Variants in ADAMTSL1 observed in about 807,000 individuals in gnomAD.
The protein encoded by ADAMTSL1 is ADAMTS-like protein 1.
In ADAMTSL1, 126 loss-of-function variants were observed where a neutral mutation model predicts 201.8. The observed-to-expected ratio is 0.62, with a 90% CI of 0.54 to 0.72. ADAMTSL1 has a LOEUF of 0.72. Among genes scored for constraint, ADAMTSL1 ranks in the 30% least tolerant of loss-of-function variants. ADAMTSL1 has a pLI of 0.00. For synonymous variants in ADAMTSL1, 1,121 were observed against 903.4 expected, an observed-to-expected ratio of 1.24 and a Z score of -4.32; for missense variants, 2,679 against 2,277.8, an observed-to-expected ratio of 1.18 and a Z score of -3.59.
At chr9:18,107,157 A>G (rs1460970799) in intron 1 of ADAMTSL1, among the ~76,000 whole-genome samples, 6 of 152,154 alleles carry the variant, frequency 3.9e-5, no homozygotes, top group Non-Finnish European at 7.4e-5. Context: ...TCATGAGGGT[A>G]TAGTGGGCTG....
At chr9:18,160,991 A>C (rs753146047) in intron 1 of ADAMTSL1, among the ~76,000 whole-genome samples, 1 of 151,574 alleles carries the variant, frequency 6.6e-6, no homozygotes, top group Admixed American at 6.6e-5. Context: ...CCTGGCCAGG[A>C]TTAAATAGAA....
At chr9:18,273,226 G>A (rs2383069) in intron 2 of ADAMTSL1, among the ~76,000 whole-genome samples, 2 of 151,904 alleles carry the variant, frequency 1.3e-5, no homozygotes, top group African/African-American at 4.8e-5. Context: ...ACTACAGGCA[G>A]GCACCACCAT....
intron 4 of ADAMTSL1, among the ~76,000 whole-genome samples, chr9:18,576,461 A>C (rs1460565531): frequency 1.3e-5 from 2 of 152,206 alleles, no homozygotes; most frequent in Admixed American, 6.5e-5. Flanking sequence ...TGTCATTCAT[A>C]TGCACTAATT....
intron 23 of ADAMTSL1, among the ~76,000 whole-genome samples, chr9:18,854,699 T>C (rs537064249): frequency 1.4e-4 from 22 of 152,150 alleles, no homozygotes; most frequent in Non-Finnish European, 3.2e-4. Context: ...AGTGAATAGC[T>C]GGGCTCTAGA....
chr9:18,186,960 A>T (rs900273412), intron 2 of ADAMTSL1, among the ~76,000 whole-genome samples: 1 of 152,106 alleles, frequency 6.6e-6, no homozygotes, highest in Non-Finnish European at 1.5e-5. Context: ...CAGGACCCAG[A>T]CTCAAGACTT....
At chr9:18,711,989 T>A (rs1471939850) in intron 14 of ADAMTSL1, among the ~76,000 whole-genome samples, 1 of 152,314 alleles carries the variant, frequency 6.6e-6, no homozygotes, top group South Asian at 2.1e-4. Flanking sequence ...AGGGGCAGAC[T>A]GACACCTCAC....
rs12686397 is a variant in ADAMTSL1 at position 17,940,814 on chromosome 9, A to C, written c.87+33892A>C. Among the ~76,000 whole-genome samples the C allele has an allele frequency of 1.0e-3, 23 of 21,920 alleles. 2 individuals carry two copies. The highest frequency in any genetic ancestry group is 4.7e-3 in the Admixed American group (9 of 1,902). 14.4% of individuals were successfully genotyped at this position (21,920 alleles called of 152,430 possible). A position where few individuals can be genotyped will look rare whatever the true frequency, so the allele number is the denominator to read the frequency against. On this transcript the variant is annotated intron_variant, in intron 1 of 29. Transcript: ENST00000680146. ...AAAAGTAAATAACACCCCCCCCCCA[A>C]AAAAAAGAAAGAAATAACGACTCGT...
At chr9:18,813,257 C>A (rs1823626753) in intron 20 of ADAMTSL1, among the ~76,000 whole-genome samples, 1 of 152,216 alleles carries the variant, frequency 6.6e-6, no homozygotes, top group Non-Finnish European at 1.5e-5. Flanking sequence ...AGCCACCACA[C>A]CCGGCCCCCA....
intron 2 of ADAMTSL1, among the ~76,000 whole-genome samples, chr9:18,183,779 T>G (rs970242734): frequency 6.6e-6 from 1 of 152,230 alleles, no homozygotes; most frequent in Non-Finnish European, 1.5e-5. Context: ...CAGTCTTTAT[T>G]TACAGGTTGG....
intron 2 of ADAMTSL1, among the ~76,000 whole-genome samples, chr9:18,213,015 C>T (rs191319154): frequency 2.6e-5 from 4 of 152,260 alleles, no homozygotes; most frequent in Non-Finnish European, 2.9e-5. Context: ...TATCTTTAGC[C>T]GTTAGTGTAT....
chr9:18,656,628 C>CAAAAAAAAAAAAAAA (rs34965386), intron 7 of ADAMTSL1, among the ~76,000 whole-genome samples: 10 of 75,348 alleles, frequency 1.3e-4, no homozygotes, highest in Non-Finnish European at 1.6e-4. Flanking sequence ...GACTCCATCG[C>CAAAAAAAAAAAAAAA]AAAAAAAAAA....
chr9:18,367,782 G>C (rs1249644354), intron 2 of ADAMTSL1, among the ~76,000 whole-genome samples: 1 of 152,176 alleles, frequency 6.6e-6, no homozygotes. Context: ...TACACATTCA[G>C]TGTCAGAGCC....
intron 17 of ADAMTSL1, among the ~76,000 whole-genome samples, chr9:18,775,199 G>C (rs1232853197): frequency 6.6e-6 from 1 of 152,048 alleles, no homozygotes; most frequent in East Asian, 1.9e-4. Context: ...TTTGAGATTA[G>C]GAACTATTCT....
At chr9:18,342,735 A>T (rs1450427862) in intron 2 of ADAMTSL1, among the ~76,000 whole-genome samples, 1 of 152,032 alleles carries the variant, frequency 6.6e-6, no homozygotes, top group African/African-American at 2.4e-5. Flanking sequence ...GAAAATCTGT[A>T]CTGGTTGTTT....
intron 2 of ADAMTSL1, among the ~76,000 whole-genome samples, chr9:18,242,548 G>C (rs1470520465): frequency 6.6e-6 from 1 of 152,014 alleles, no homozygotes; most frequent in Admixed American, 6.6e-5. Flanking sequence ...AGGCATTCAA[G>C]TAAGAAAGGA....
At chr9:18,431,886 G>A (rs1389735101) in intron 2 of ADAMTSL1, among the ~76,000 whole-genome samples, 3 of 152,070 alleles carry the variant, frequency 2.0e-5, no homozygotes, top group Non-Finnish European at 4.4e-5. Flanking sequence ...TATATAGGCT[G>A]GGTTGTTTTT....
intron 7 of ADAMTSL1, among the ~76,000 whole-genome samples, chr9:18,653,468 C>T (rs1828423976): frequency 6.6e-6 from 1 of 152,160 alleles, no homozygotes; most frequent in South Asian, 2.1e-4. Flanking sequence ...TTGTGGGCAG[C>T]ATTAATCATA....
At chr9:18,310,316 A>C (rs1215190848) in intron 2 of ADAMTSL1, among the ~76,000 whole-genome samples, 1 of 149,908 alleles carries the variant, frequency 6.7e-6, no homozygotes, top group South Asian at 2.1e-4. Flanking sequence ...TAATGGCAAC[A>C]AAAAACAAAA....
chr9:17,935,713 G>A (rs910780770), intron 1 of ADAMTSL1, among the ~76,000 whole-genome samples: 1 of 152,136 alleles, frequency 6.6e-6, no homozygotes. Flanking sequence ...AATACCTCTA[G>A]CTGTTCTATC....
Sources: allele counts gnomAD v4.1 joint callset (sites outside exome capture counted in the v4.1 genomes callset), GRCh38; gene constraint gnomAD v4.1.1; transcripts MANE v1.5; gene names NCBI Gene and HGNC (gene_info 2026-07-23, HGNC 2026-07-21).